Variants in EYA1 observed in about 807,000 individuals in gnomAD.
EYA1 encodes the protein EYA transcriptional coactivator and phosphatase 1, also known as protein phosphatase EYA1.
Under a neutral mutation model 82.0 loss-of-function variants are expected in EYA1, and 16 were observed. The ratio of observed to expected loss-of-function variants is 0.20; its 90% CI spans 0.13 to 0.30. EYA1 has a LOEUF of 0.30. Ranked by LOEUF, EYA1 falls within the 10% of genes least tolerant of loss-of-function variation. The pLI is 1.00. For synonymous variants in EYA1, 261 were observed against 264.4 expected, an observed-to-expected ratio of 0.99 and a Z score of 0.12; for missense variants, 633 against 730.7, an observed-to-expected ratio of 0.87 and a Z score of 1.54.
At chr8:71,535,920 G>T in intron 1 of EYA1, 1 of 453,220 alleles carries the variant, frequency 2.2e-6, no homozygotes, top group East Asian at 3.4e-5. Flanking sequence ...CTTCACATCT[G>T]CAGCTTTCCA....
chr8:71,239,039 A>C (rs1285569502), intron 12 of EYA1, among the ~76,000 whole-genome samples: 1 of 152,072 alleles, frequency 6.6e-6, no homozygotes, highest in Non-Finnish European at 1.5e-5. Context: ...GAAATCTTTA[A>C]ATATACTTTT....
At chr8:71,344,800 T>A (rs1825531849) in intron 3 of EYA1, among the ~76,000 whole-genome samples, 1 of 152,232 alleles carries the variant, frequency 6.6e-6, no homozygotes, top group African/African-American at 2.4e-5. Flanking sequence ...TGGAAGCAGA[T>A]GAGCTGGCTC....
chr8:71,254,402 T>C (rs1241106459), intron 11 of EYA1, among the ~76,000 whole-genome samples: 1 of 152,114 alleles, frequency 6.6e-6, no homozygotes, highest in African/African-American at 2.4e-5. Context: ...CCAGGAACTC[T>C]GTAGGACAGA....
intron 17 of EYA1, among the ~76,000 whole-genome samples, chr8:71,202,057 C>T (rs986267413): frequency 2.0e-5 from 3 of 152,070 alleles, no homozygotes; most frequent in Admixed American, 1.3e-4. Flanking sequence ...TACAAAAATA[C>T]TTGTGCAAAG....
At position 71,540,836 on chromosome 8, in the gene EYA1, C is replaced by A. The variant is rs192104152; in HGVS notation, c.-72-4988G>T. On this transcript the variant is annotated intron_variant, in intron 1 of 18. Coordinates refer to the EYA1 transcript ENST00000643681. ...TGAGTTTTCTAACATTCCTGAGAAG[C>A]AGAAGGAAACTAGTGACTGAACATT... is the stretch of plus-strand genomic sequence containing the variant. Among the ~76,000 whole-genome samples the A allele has an allele frequency of 1.2e-4, 19 of 152,200 alleles. No individual in the cohort carries two copies. In the East Asian group the frequency reaches 3.5e-3, roughly 28 times the overall value.
intron 8 of EYA1, 105 bp from the exon 9 acceptor site, chr8:71,299,338 G>T: frequency 8.9e-7 from 1 of 1,117,736 alleles, no homozygotes; most frequent in Non-Finnish European, 1.4e-6. Context: ...AGCCTTTTCT[G>T]AATTCACACG....
intron 2 of EYA1, among the ~76,000 whole-genome samples, chr8:71,376,291 A>C (rs940767163): frequency 7.2e-5 from 11 of 152,218 alleles, no homozygotes; most frequent in Non-Finnish European, 1.2e-4. Context: ...ATGCGGATAA[A>C]AGTGAACAAG....
At chr8:71,366,267 A>T (rs887317294), upstream of EYA1, among the ~76,000 whole-genome samples, 1 of 152,128 alleles carries the variant, frequency 6.6e-6, no homozygotes, top group Non-Finnish European at 1.5e-5. Flanking sequence ...GCAGGTGCTT[A>T]AAAAAATGAT....
chr8:71,512,971 G>A (rs1307932354), intron 2 of EYA1, among the ~76,000 whole-genome samples: 2 of 152,104 alleles, frequency 1.3e-5, no homozygotes, highest in East Asian at 3.8e-4. Context: ...TACACAAGGT[G>A]GAAAGATTAA....
chr8:71,233,232 A>C (rs1333854763), intron 12 of EYA1, among the ~76,000 whole-genome samples: 1 of 152,218 alleles, frequency 6.6e-6, no homozygotes, highest in Non-Finnish European at 1.5e-5. Context: ...ATCAGTGTTT[A>C]TTGTTGAAAT....
chr8:71,457,308 T>G (rs1470216678), intron 2 of EYA1, among the ~76,000 whole-genome samples: 2 of 152,212 alleles, frequency 1.3e-5, no homozygotes, highest in Non-Finnish European at 2.9e-5. Context: ...TTTACACTGT[T>G]GGTGGGAGGG....
chr8:71,429,731 T>A lies in EYA1; in HGVS notation c.34-73220A>T, dbSNP rs372185027. On this transcript the variant is annotated intron_variant, in intron 2 of 18. Coordinates refer to the EYA1 transcript ENST00000643681. ...TCATTCTATTTCATATAAAAGGGAC[T>A]TGTGTATTTCCAGATAGCATTTCTG... Among the ~76,000 whole-genome samples, 720 of 152,292 alleles carry A rather than the reference T, an allele frequency of 4.7e-3. 2 individuals are homozygous for A. The highest frequency in any genetic ancestry group is 7.5e-3 in the Non-Finnish European group (508 of 68,002).
In EYA1 at chr8:71,199,200, G is replaced by C; in HGVS notation, c.*140C>G. 1.4e-6 allele frequency: 1 copy of C among 701,030 alleles called. No individual in the cohort carries two copies. The highest frequency in any genetic ancestry group is 2.6e-6 in the Non-Finnish European group (1 of 386,236). The allele number at this position is 701,030 out of a possible 1,614,324, so 43.4% of individuals were successfully genotyped here. A position where few individuals can be genotyped will look rare whatever the true frequency, so the allele number is the denominator to read the frequency against. On this transcript the variant is annotated 3_prime_UTR_variant, in exon 18 of 18. Coordinates refer to ENST00000340726, the MANE Select transcript of EYA1 (RefSeq NM_000503.6). Reference sequence around the variant, plus strand: ...TGGTCCTCCATTCACCACAAAGGCAGAGGTCAAGACTGACAGCAACTGCGC... The same window carrying C: ...TGGTCCTCCATTCACCACAAAGGCACAGGTCAAGACTGACAGCAACTGCGC...
chr8:71,509,160 T>C lies in EYA1; in HGVS notation c.33+26584A>G, dbSNP rs573348901. The stretch of plus-strand genomic sequence containing the variant: ...CAGAGAATCCCTTGAGCCCAAGACG[T>C]TGAGGCTGCAGTGAGCCAAGATCAC... On this transcript the variant is annotated intron_variant, in intron 2 of 18. Transcript: ENST00000643681. 3.9e-5 allele frequency among the ~76,000 whole-genome samples: 6 copies of C among 152,154 alleles called. No homozygotes were observed. The South Asian group carries it at 1.2e-3, about 32-fold the overall frequency.
intron 2 of EYA1, among the ~76,000 whole-genome samples, chr8:71,455,877 A>G (rs1027468937): frequency 6.6e-6 from 1 of 152,166 alleles, no homozygotes; most frequent in South Asian, 2.1e-4. Flanking sequence ...CACCACTCCT[A>G]TTCAACATAG....
At chr8:71,330,000 A>G (rs1202827373) in intron 4 of EYA1, among the ~76,000 whole-genome samples, 1 of 152,170 alleles carries the variant, frequency 6.6e-6, no homozygotes, top group African/African-American at 2.4e-5. Context: ...AGAGTAAGGC[A>G]GGTGTACAGG....
chr8:71,384,066 TAAGTG>T (rs1828852078), intron 2 of EYA1, among the ~76,000 whole-genome samples: 1 of 152,162 alleles, frequency 6.6e-6, no homozygotes, highest in Admixed American at 6.6e-5. Context: ...ACTACAATTT[TAAGTG>T]TCTTTCCATA....
In EYA1 at chr8:71,317,762, C is replaced by T. The variant is rs1029940765; in HGVS notation, c.419-73G>A. The T allele has an allele frequency of 7.8e-6, 11 of 1,416,750 alleles. No homozygotes were observed. The African/African-American group carries it at 1.3e-4, about 16-fold the overall frequency. 87.8% of individuals were successfully genotyped at this position (1,416,750 alleles called of 1,614,324 possible). ...GGTAAATATACAAAAACATACACTTCCACAACCGTTTAACTACAAATGCTT... is the reference window on the plus strand; with the variant it reads ...GGTAAATATACAAAAACATACACTTTCACAACCGTTTAACTACAAATGCTT... On this transcript the variant is annotated intron_variant, in intron 6 of 17. Coordinates refer to ENST00000340726, the MANE Select transcript of EYA1 (RefSeq NM_000503.6).
chr8:71,276,683 C>T (rs1817216893), intron 9 of EYA1, among the ~76,000 whole-genome samples: 1 of 152,156 alleles, frequency 6.6e-6, no homozygotes, highest in African/African-American at 2.4e-5. Context: ...GGCTCGTCTT[C>T]CACCTATTTT....
Sources: allele counts gnomAD v4.1 joint callset (sites outside exome capture counted in the v4.1 genomes callset), GRCh38; gene constraint gnomAD v4.1.1; transcripts MANE v1.5; gene names NCBI Gene and HGNC (gene_info 2026-07-23, HGNC 2026-07-21).